AMPH: variants seen among roughly 807,000 people sequenced by gnomAD.
The protein encoded by AMPH is amphiphysin, also known as amphiphysin (Stiff-Mann syndrome with breast cancer 128kD autoantigen).
In AMPH, 49 loss-of-function variants were observed where a neutral mutation model predicts 99.1. The observed-to-expected ratio is 0.49, with a 90% CI of 0.39 to 0.63. The LOEUF (loss-of-function observed/expected upper bound fraction) is 0.63. Among genes scored for constraint, AMPH ranks in the 20% least tolerant of loss-of-function variants. The probability of loss-of-function intolerance (pLI) is 0.00; values close to 1 mark genes in which losing one functional copy is unlikely to be tolerated. For missense variants in AMPH, 759 were observed against 863.4 expected, an observed-to-expected ratio of 0.88 and a Z score of 1.52; for synonymous variants, 314 against 317.3, an observed-to-expected ratio of 0.99 and a Z score of 0.11.
At chr7:38,535,722 C>T (rs1790573434) in intron 1 of AMPH, among the ~76,000 whole-genome samples, 1 of 152,152 alleles carries the variant, frequency 6.6e-6, no homozygotes, top group African/African-American at 2.4e-5. Context: ...ATTATATTCT[C>T]ATAAGGAGCT....
intron 1 of AMPH, among the ~76,000 whole-genome samples, chr7:38,551,137 T>C (rs1791166467): frequency 6.6e-6 from 1 of 152,148 alleles, no homozygotes; most frequent in African/African-American, 2.4e-5. Context: ...GCACCACTGT[T>C]TCAAGCAACT....
At chr7:38,437,877 G>A (rs376338271) in intron 11 of AMPH, among the ~76,000 whole-genome samples, 3 of 151,956 alleles carry the variant, frequency 2.0e-5, no homozygotes, top group South Asian at 2.1e-4. Flanking sequence ...TAGCATATCC[G>A]TACTCATTGC....
intron 1 of AMPH, among the ~76,000 whole-genome samples, chr7:38,610,029 G>A (rs1296418641): frequency 1.3e-5 from 2 of 151,330 alleles, no homozygotes; most frequent in Non-Finnish European, 2.9e-5. Context: ...CTGAGGTCGG[G>A]AGTTCGAGAC....
chr7:38,441,653 G>A (rs76852748), intron 11 of AMPH, among the ~76,000 whole-genome samples: 8,446 of 150,976 alleles, frequency 0.056, 623 homozygotes, highest in East Asian at 0.35. Context: ...TTGTGCGTTT[G>A]TCGCAGCAAT....
chr7:38,436,461 T>A, intron 11 of AMPH, 73 bp from the exon 12 acceptor site: 1 of 1,070,760 alleles, frequency 9.3e-7, no homozygotes, highest in Middle Eastern at 2.1e-4. Context: ...ATATAGCCCA[T>A]GTATACTCTC....
At chr7:38,536,973 G>A (rs911064238) in intron 1 of AMPH, among the ~76,000 whole-genome samples, 1 of 152,130 alleles carries the variant, frequency 6.6e-6, no homozygotes, top group Non-Finnish European at 1.5e-5. Context: ...ATAAGATTAA[G>A]AGTGATCATT....
chr7:38,469,673 G>A (rs933364080), intron 7 of AMPH, among the ~76,000 whole-genome samples: 1 of 152,068 alleles, frequency 6.6e-6, no homozygotes, highest in Non-Finnish European at 1.5e-5. Flanking sequence ...CTCTCAGCAA[G>A]ACTCCTCAAC....
chr7:38,568,506 G>A (rs1055458024), intron 1 of AMPH, among the ~76,000 whole-genome samples: 1 of 152,168 alleles, frequency 6.6e-6, no homozygotes, highest in Non-Finnish European at 1.5e-5. Context: ...TGACTACTCT[G>A]TAATGGGTTT....
At chr7:38,466,052 T>G (rs988364619) in intron 8 of AMPH, 121 bp downstream of exon 8, 6 of 759,478 alleles carry the variant, frequency 7.9e-6, no homozygotes, top group Non-Finnish European at 1.3e-5. Context: ...AATAACACAC[T>G]GCTAAAAGAA....
Position 38,490,990 on chromosome 7 carries a change from T to C in AMPH, c.396+60A>G, listed in dbSNP as rs1422694540. On this transcript the variant is annotated intron_variant, in intron 5 of 20. Transcript: ENST00000356264. ...CTTGTAATAATTCTTCTCTTGCCCA[T>C]GTTTCAATAACTACATGACCCCACT... 8.4e-6 allele frequency: 9 copies of C among 1,067,468 alleles called. 1 individual carries two copies. Among genetic ancestry groups the C allele is most frequent in the African/African-American group, 3.2e-5 (2 of 62,692 alleles). 66.1% of individuals were successfully genotyped at this position (1,067,468 alleles called of 1,614,324 possible). A position where few individuals can be genotyped will look rare whatever the true frequency, so the allele number is the denominator to read the frequency against.
chr7:38,574,948 G>A (rs1792178233), intron 1 of AMPH, among the ~76,000 whole-genome samples: 1 of 151,282 alleles, frequency 6.6e-6, no homozygotes, highest in Non-Finnish European at 1.5e-5. Flanking sequence ...CAGCTACTCA[G>A]GAGGCTGAGG....
rs372130140 is a variant in AMPH, at chr7:38,462,936, C to T, written c.888+39G>A. 1.9e-5 allele frequency: 29 copies of T among 1,513,624 alleles called. No homozygotes were observed. The African/African-American group carries it at 3.8e-4, about 20-fold the overall frequency. The allele number at this position is 1,513,624 out of a possible 1,614,324, so 93.8% of individuals were successfully genotyped here. The stretch of plus-strand genomic sequence containing the variant: ...CTAGATGGGGCCACCTTCATCTCAT[C>T]ATGAGCTCTATCCCCCAATATATTT... On this transcript the variant is annotated intron_variant, in intron 10 of 20. Transcript: ENST00000356264.
intron 11 of AMPH, among the ~76,000 whole-genome samples, chr7:38,447,629 G>A (rs551031372): frequency 1.3e-5 from 2 of 151,834 alleles, no homozygotes; most frequent in East Asian, 1.9e-4. Flanking sequence ...ATTTTCTGAG[G>A]ATCTTAACCT....
intron 1 of AMPH, among the ~76,000 whole-genome samples, chr7:38,588,307 C>T (rs1792738957): frequency 6.6e-6 from 1 of 151,988 alleles, no homozygotes; most frequent in African/African-American, 2.4e-5. Flanking sequence ...CCATCTTATC[C>T]CAAATAGTAT....
intron 3 of AMPH, among the ~76,000 whole-genome samples, chr7:38,503,124 C>T (rs182175713): frequency 1.6e-4 from 24 of 152,224 alleles, no homozygotes; most frequent in African/African-American, 4.6e-4. Context: ...AGTCCAGAAA[C>T]TCATGCTAGG....
chr7:38,435,656 C>A (rs906841245), intron 12 of AMPH, among the ~76,000 whole-genome samples: 2 of 152,130 alleles, frequency 1.3e-5, no homozygotes, highest in African/African-American at 4.8e-5. Context: ...AATGTAATGA[C>A]AGTTACTATA....
At chr7:38,583,043 G>T (rs1584271954) in intron 1 of AMPH, among the ~76,000 whole-genome samples, 1 of 152,212 alleles carries the variant, frequency 6.6e-6, no homozygotes, top group South Asian at 2.1e-4. Flanking sequence ...ATTACTGATG[G>T]GAATAGGGAA....
At chr7:38,398,269 A>C (rs1245072234) in intron 17 of AMPH, among the ~76,000 whole-genome samples, 1 of 152,170 alleles carries the variant, frequency 6.6e-6, no homozygotes, top group Non-Finnish European at 1.5e-5. Context: ...TATTCACAAT[A>C]GCCAAGATTT....
At chr7:38,386,430 C>G (rs3807427) in intron 20 of AMPH, among the ~76,000 whole-genome samples, 50 of 152,202 alleles carry the variant, frequency 3.3e-4, no homozygotes, top group African/African-American at 1.2e-3. Context: ...CTACACAAAC[C>G]CACAATCAAG....
Sources: allele counts gnomAD v4.1 joint callset (sites outside exome capture counted in the v4.1 genomes callset), GRCh38; gene constraint gnomAD v4.1.1; transcripts MANE v1.5; gene names NCBI Gene and HGNC (gene_info 2026-07-23, HGNC 2026-07-21).